Variants in SCML2 observed in about 807,000 individuals in gnomAD.
The protein encoded by SCML2 is Scm polycomb group protein like 2.
In SCML2, 6 loss-of-function variants were observed where a neutral mutation model predicts 48.4. The observed-to-expected ratio is 0.12, with a 90% CI of 0.07 to 0.24. The LOEUF (loss-of-function observed/expected upper bound fraction) is 0.24, where lower values mean the gene tolerates loss of function less well. Among genes scored for constraint, SCML2 ranks in the 10% least tolerant of loss-of-function variants. The pLI is 1.00. For missense variants in SCML2, 377 were observed against 528.2 expected (o/e 0.71, Z 2.81); for synonymous variants, 181 against 189.5 (o/e 0.95, Z 0.37).
chrX:18,259,943 T>C (rs1927000071), intron 9 of SCML2, among the ~76,000 whole-genome samples: 1 of 112,053 alleles, frequency 8.9e-6, no homozygotes, highest in East Asian at 2.8e-4. Flanking sequence ...TAAAATACTT[T>C]AAGAGTATCT....
intron 9 of SCML2, 54 bp from the exon 10 acceptor site, chrX:18,258,301 T>G: frequency 1.0e-6 from 1 of 965,676 alleles, no homozygotes; most frequent in Non-Finnish European, 1.5e-6. Flanking sequence ...AAAAGAAATT[T>G]TGTGAAAACA....
intron 7 of SCML2, among the ~76,000 whole-genome samples, chrX:18,290,734 CA>C (rs1327236868): frequency 1.8e-5 from 2 of 110,667 alleles, no homozygotes; most frequent in Non-Finnish European, 3.8e-5. Flanking sequence ...ATTATAGAGA[CA>C]AAATAGTAAT....
At chrX:18,299,793 A>G (rs182938207) in intron 7 of SCML2, among the ~76,000 whole-genome samples, 2 of 107,871 alleles carry the variant, frequency 1.9e-5, no homozygotes, top group East Asian at 5.9e-4. Flanking sequence ...GCTGTAGTGC[A>G]GTGACATGAA....
intron 1 of SCML2, among the ~76,000 whole-genome samples, chrX:18,349,292 G>A (rs746361710): frequency 2.0e-4 from 22 of 112,255 alleles, no homozygotes; most frequent in Non-Finnish European, 3.6e-4. Context: ...CAGGTCACAA[G>A]TAGTAGGTAA....
At chrX:18,345,784 AG>A (rs1386269152) in intron 1 of SCML2, among the ~76,000 whole-genome samples, 4 of 110,038 alleles carry the variant, frequency 3.6e-5, no homozygotes, top group Non-Finnish European at 7.6e-5. Context: ...TGGCATAATC[AG>A]GGCTCACTGC....
chrX:18,310,259 C>T (rs1194356951), intron 6 of SCML2, among the ~76,000 whole-genome samples: 31 of 96,651 alleles, frequency 3.2e-4, no homozygotes, highest in East Asian at 3.2e-4. Flanking sequence ...TAACCACCTC[C>T]CTTTTTTTTT....
chrX:18,324,935 A>G lies in SCML2; in HGVS notation c.134T>C (p.Ile45Thr). The G allele has an allele frequency of 8.3e-7, 1 of 1,205,824 alleles. No individual in the cohort carries two copies. The highest frequency in any genetic ancestry group is 1.1e-6 in the Non-Finnish European group (1 of 890,417). Residue 45 changes from isoleucine to threonine, a missense_variant, in exon 4 of 15, where the codon ATA (isoleucine) becomes ACA (threonine). This residue lies in a region of SCML2 where 61 missense variants were observed against 59.9 expected (regional missense o/e 1.02). Coordinates refer to ENST00000251900, the MANE Select transcript of SCML2 (RefSeq NM_006089.3). The part of the protein sequence containing the change: ...WEEYLKETGS[I>T]SAPSECFRQS... ...ACGGAAGCACTCTGAAGGAGCACTT[A>G]TAGACCCAGTCTCTTTCAAATACTC...
intron 1 of SCML2, among the ~76,000 whole-genome samples, chrX:18,337,072 C>A (rs1929842904): frequency 9.1e-6 from 1 of 110,109 alleles, no homozygotes; most frequent in African/African-American, 3.3e-5. Context: ...GAGGCCAAGG[C>A]GGGTGGATCA....
intron 7 of SCML2, among the ~76,000 whole-genome samples, chrX:18,304,212 T>C (rs1320178141): frequency 1.8e-5 from 2 of 111,203 alleles, no homozygotes; most frequent in African/African-American, 6.6e-5. Flanking sequence ...GCTAATTGAA[T>C]CCCACTAAGT....
At chrX:18,312,972 G>GGTGT in intron 6 of SCML2, among the ~76,000 whole-genome samples, 1 of 92,551 alleles carries the variant, frequency 1.1e-5, no homozygotes, top group East Asian at 3.4e-4. Context: ...AGCCAGAATG[G>GGTGT]GTGTGCGTGT....
rs750658948 is a variant in SCML2, at chrX:18,251,309, C to CAA, written c.1457-3429_1457-3428dup. Among the ~76,000 whole-genome samples, 43 of 6,768 alleles carry CAA rather than the reference C, an allele frequency of 6.4e-3. 9 individuals carry two copies. The highest frequency in any genetic ancestry group is 0.026 in the African/African-American group (34 of 1,319). 5.9% of individuals were successfully genotyped at this position (6,768 alleles called of 115,157 possible). On this transcript the variant is annotated intron_variant, in intron 11 of 14. Coordinates refer to ENST00000251900, the MANE Select transcript of SCML2 (RefSeq NM_006089.3). ...TGGGTAACAGAGCAAGATTCCATTG[C>CAA]AAAAAAAAAAAAAAAAAAAAAAAAA...
At chrX:18,334,773 A>G (rs973565012) in intron 1 of SCML2, among the ~76,000 whole-genome samples, 2 of 112,245 alleles carry the variant, frequency 1.8e-5, no homozygotes, top group African/African-American at 6.5e-5. Flanking sequence ...AAAACACAAT[A>G]TAAGTGCTAT....
chrX:18,317,833 CAAAAAA>C (rs35128193), intron 6 of SCML2, among the ~76,000 whole-genome samples: 1 of 38,523 alleles, frequency 2.6e-5, no homozygotes, highest in Non-Finnish European at 4.9e-5. Context: ...GACTCCGTCT[CAAAAAA>C]AAAAAAAAAA....
intron 3 of SCML2, 31 bp from the exon 4 acceptor site, chrX:18,325,008 T>A (rs778992394): frequency 7.7e-6 from 8 of 1,038,754 alleles, no homozygotes; most frequent in Non-Finnish European, 9.4e-6. Flanking sequence ...AAATAGTTTC[T>A]TAAAGCATAT....
At chrX:18,323,007 T>A (rs968971474) in intron 5 of SCML2, among the ~76,000 whole-genome samples, 1 of 111,303 alleles carries the variant, frequency 9.0e-6, no homozygotes, top group Admixed American at 9.6e-5. Context: ...TTGTGAAAAA[T>A]TTTCACTTAA....
chrX:18,319,947 T>G (rs1929261890), intron 6 of SCML2, among the ~76,000 whole-genome samples: 1 of 111,407 alleles, frequency 9.0e-6, no homozygotes, highest in Non-Finnish European at 1.9e-5. Context: ...AAGAGAGATC[T>G]CACCAGAAAC....
chrX:18,258,276 A>G (rs1381226115), intron 9 of SCML2, 29 bp from the exon 10 acceptor site: 1 of 1,104,426 alleles, frequency 9.1e-7, no homozygotes, highest in Admixed American at 2.3e-5. Context: ...TGCATACATA[A>G]CAATGAGACT....
intron 6 of SCML2, among the ~76,000 whole-genome samples, chrX:18,312,998 T>C: frequency 1.0e-5 from 1 of 95,420 alleles, no homozygotes; most frequent in African/African-American, 4.2e-5. Context: ...TGTGTGTGTG[T>C]GTGTGTGTGC....
chrX:18,308,055 T>C (rs1296220667), intron 6 of SCML2, among the ~76,000 whole-genome samples: 1 of 103,377 alleles, frequency 9.7e-6, no homozygotes, highest in Admixed American at 1.1e-4. Context: ...GATCATGCCA[T>C]TGCACTCCAG....
Sources: gnomAD v4.1 joint callset for allele counts (sites outside exome capture counted in the v4.1 genomes callset) on GRCh38, gnomAD v4.1.1 for gene constraint, gnomAD v4.1.1 regional missense constraint, MANE v1.5 for transcripts, NCBI Gene and HGNC (gene_info 2026-07-23, HGNC 2026-07-21) for gene names.